GLRA2: variants seen among roughly 807,000 people sequenced by gnomAD.
The protein encoded by GLRA2 is glycine receptor subunit alpha-2.
A neutral mutation model predicts 31.6 loss-of-function variants in GLRA2; 11 were observed. The observed-to-expected ratio is 0.35, with a 90% CI of 0.22 to 0.58. The LOEUF is 0.58. Among genes scored for constraint, GLRA2 ranks in the 20% least tolerant of loss-of-function variants. GLRA2 has a pLI of 0.84. For synonymous variants in GLRA2, 132 were observed against 134.0 expected, an observed-to-expected ratio of 0.99 and a Z score of 0.10; for missense variants, 212 against 351.8, an observed-to-expected ratio of 0.60 and a Z score of 3.18.
the GLRA2 span, among the ~76,000 whole-genome samples, chrX:14,455,123 C>T: frequency 9.0e-6 from 1 of 111,390 alleles, no homozygotes; most frequent in Non-Finnish European, 1.9e-5. Context: ...ACTATCATAC[C>T]TCTGGTACTA....
chrX:14,689,918 T>A (rs1239240265), intron 7 of GLRA2, among the ~76,000 whole-genome samples: 1 of 112,307 alleles, frequency 8.9e-6, no homozygotes, highest in African/African-American at 3.2e-5. Flanking sequence ...TTTGTCAAAT[T>A]ATAAGACTTA....
At chrX:14,560,638 C>T (rs944600847) in intron 2 of GLRA2, among the ~76,000 whole-genome samples, 1 of 108,938 alleles carries the variant, frequency 9.2e-6, no homozygotes, top group African/African-American at 3.4e-5. Flanking sequence ...GGTGAGACCC[C>T]CGTCTCTACA....
At chrX:14,510,796 G>A in the GLRA2 span, among the ~76,000 whole-genome samples, 1 of 111,765 alleles carries the variant, frequency 8.9e-6, no homozygotes, top group Admixed American at 9.5e-5. Flanking sequence ...GGAGACTCAA[G>A]AAAATGATTT....
rs1196761137 is a variant in GLRA2, at chrX:14,649,214, TA to T, written c.930+40023del. The stretch of plus-strand genomic sequence containing the variant: ...GATGACAGAGTGAGACTCCGTTTTT[TA>T]AAAAAAAAAAAAATTAAAATATACT... On this transcript the variant is annotated intron_variant, in intron 7 of 8. Transcript: ENST00000218075. Among the ~76,000 whole-genome samples, 743 of 102,929 alleles carry T rather than the reference TA, an allele frequency of 7.2e-3. 5 individuals are homozygous for T. The highest frequency in any genetic ancestry group is 0.012 in the Non-Finnish European group (600 of 50,026). The allele number at this position is 102,929 out of a possible 115,157, so 89.4% of individuals were successfully genotyped here.
chrX:14,550,260 GT>G lies in GLRA2; in HGVS notation c.202+17901del, dbSNP rs112010468. 2.3e-3 allele frequency among the ~76,000 whole-genome samples: 222 copies of G among 97,833 alleles called. 2 individuals carry two copies. The highest frequency in any genetic ancestry group is 5.2e-3 in the Middle Eastern group (1 of 192). 85.0% of individuals were successfully genotyped at this position (97,833 alleles called of 115,157 possible). A position where few individuals can be genotyped will look rare whatever the true frequency, so the allele number is the denominator to read the frequency against. On this transcript the variant is annotated intron_variant, in intron 2 of 8. Transcript: ENST00000218075. ...GATTACAGAATTTGAGGGAAAGGAG[GT>G]TTTTTTTTTTTTAAAATTAAGATGA...
intron 7 of GLRA2, among the ~76,000 whole-genome samples, chrX:14,618,500 CAT>C (rs1193528152): frequency 1.8e-5 from 2 of 111,611 alleles, no homozygotes; most frequent in Non-Finnish European, 3.8e-5. Context: ...TTAAAATAAA[CAT>C]ATATATAGCA....
chrX:14,453,707 G>GA, the GLRA2 span, among the ~76,000 whole-genome samples: 1 of 111,973 alleles, frequency 8.9e-6, no homozygotes, highest in East Asian at 2.8e-4. Flanking sequence ...CAAGGGAAAT[G>GA]AAAATGTAGG....
the GLRA2 span, among the ~76,000 whole-genome samples, chrX:14,454,233 T>C: frequency 9.4e-6 from 1 of 106,571 alleles, no homozygotes; most frequent in South Asian, 4.2e-4. Context: ...CACACATACA[T>C]GAGTTCAAGG....
chrX:14,555,036 A>G (rs2089623168), intron 2 of GLRA2, among the ~76,000 whole-genome samples: 1 of 112,217 alleles, frequency 8.9e-6, no homozygotes, highest in African/African-American at 3.2e-5. Flanking sequence ...TAATAATGCA[A>G]TATTTCTCCA....
At chrX:14,658,284 G>A (rs982616026) in intron 7 of GLRA2, among the ~76,000 whole-genome samples, 1 of 111,702 alleles carries the variant, frequency 9.0e-6, no homozygotes, top group Non-Finnish European at 1.9e-5. Context: ...TTGTGCTTGT[G>A]TAACCCTTAT....
At chrX:14,461,545 A>C in the GLRA2 span, among the ~76,000 whole-genome samples, 1 of 111,864 alleles carries the variant, frequency 8.9e-6, no homozygotes, top group South Asian at 3.7e-4. Flanking sequence ...TATTGGGTGC[A>C]TATATATTTA....
chrX:14,476,777 A>G, the GLRA2 span, among the ~76,000 whole-genome samples: 33 of 112,314 alleles, frequency 2.9e-4, no homozygotes, highest in African/African-American at 1.0e-3. Flanking sequence ...CTCCCAATGC[A>G]TAAATGTGGC....
chrX:14,690,022 G>A (rs2091327337), intron 7 of GLRA2, among the ~76,000 whole-genome samples: 1 of 111,842 alleles, frequency 8.9e-6, no homozygotes, highest in South Asian at 3.7e-4. Flanking sequence ...TACTTTGGTT[G>A]AATACTCTTT....
chrX:14,488,519 G>A, the GLRA2 span, among the ~76,000 whole-genome samples: 1 of 112,125 alleles, frequency 8.9e-6, no homozygotes, highest in African/African-American at 3.2e-5. Context: ...GAGACATCAA[G>A]TCACTTTCCA....
At chrX:14,522,955 C>T in the GLRA2 span, among the ~76,000 whole-genome samples, 107 of 111,792 alleles carry the variant, frequency 9.6e-4, no homozygotes, top group Admixed American at 0.01. Context: ...TCACCAGCTG[C>T]ATTACCTCCT....
At chrX:14,536,284 A>G (rs1474511874) in intron 2 of GLRA2, among the ~76,000 whole-genome samples, 1 of 112,303 alleles carries the variant, frequency 8.9e-6, no homozygotes, top group Admixed American at 9.5e-5. Context: ...TCATGTCTGT[A>G]GTCAAGTGGA....
At chrX:14,729,191 CAT>C (rs2091962486) in intron 8 of GLRA2, among the ~76,000 whole-genome samples, 1 of 112,088 alleles carries the variant, frequency 8.9e-6, no homozygotes, top group Non-Finnish European at 1.9e-5. Context: ...TTTTGGGAAA[CAT>C]AACCATTATT....
At chrX:14,524,884 C>T (rs905178992), upstream of GLRA2, among the ~76,000 whole-genome samples, 8 of 110,258 alleles carry the variant, frequency 7.3e-5, no homozygotes, top group African/African-American at 1.3e-4. Context: ...AGCAATCACA[C>T]GTAATGAGAA....
rs1210827666 is a variant in GLRA2 at position 14,730,764 on chromosome X, ACATTCAGACATGATATGCGCAT to A, written c.*299_*320del. 29 of 290,790 alleles carry A rather than the reference ACATTCAGACATGATATGCGCAT, an allele frequency of 1.0e-4. No homozygotes were observed. The highest frequency in any genetic ancestry group is 6.8e-4 in the Admixed American group (13 of 19,149). The allele number at this position is 290,790 out of a possible 1,213,427, so 24.0% of individuals were successfully genotyped here. On this transcript the variant is annotated 3_prime_UTR_variant, in exon 9 of 9. Transcript: ENST00000218075. ...CTTTCAGTCAGACATGATATGCGCA[ACATTCAGACATGATATGCGCAT>A]CATTCAGACATGATATGCGGGGTCA...
Sources: allele counts gnomAD v4.1 joint callset (sites outside exome capture counted in the v4.1 genomes callset), GRCh38; gene constraint gnomAD v4.1.1; transcripts MANE v1.5; gene names NCBI Gene and HGNC (gene_info 2026-07-23, HGNC 2026-07-21).